Variants in DNER observed in about 807,000 individuals in gnomAD.
DNER encodes the protein delta and Notch-like epidermal growth factor-related receptor.
A neutral mutation model predicts 78.2 loss-of-function variants in DNER; 33 were observed. The ratio of observed to expected loss-of-function variants is 0.42; its 90% CI spans 0.32 to 0.56. The LOEUF (loss-of-function observed/expected upper bound fraction) is 0.56, where lower values mean the gene tolerates loss of function less well. Ranked by LOEUF, DNER falls within the 20% of genes least tolerant of loss-of-function variation. DNER has a pLI of 0.11. For synonymous variants in DNER, 417 were observed against 384.8 expected (o/e 1.08, Z -0.98); for missense variants, 918 against 975.3 (o/e 0.94, Z 0.78).
In DNER at chr2:229,367,462, G is replaced by A. The variant is rs188245415; in HGVS notation, c.1856-343C>T. ...CTAAAAATACAAACATTAGCTGGGC[G>A]TGGTGGTGGATGTCTGTAATCCCAG... On this transcript the variant is annotated intron_variant, in intron 11 of 12. Coordinates refer to ENST00000341772, the MANE Select transcript of DNER (RefSeq NM_139072.4). 1.7e-4 allele frequency among the ~76,000 whole-genome samples: 26 copies of A among 152,094 alleles called. 1 individual carries two copies. The highest frequency in any genetic ancestry group is 2.6e-4 in the African/African-American group (11 of 41,518).
chr2:229,419,635 T>C (rs1693723536), intron 8 of DNER, among the ~76,000 whole-genome samples: 1 of 152,156 alleles, frequency 6.6e-6, no homozygotes, highest in African/African-American at 2.4e-5. Context: ...CAGTTGTTTT[T>C]GAACAGCTTT....
chr2:229,372,800 CAGAG>C (rs1692515493), intron 11 of DNER, among the ~76,000 whole-genome samples: 1 of 151,842 alleles, frequency 6.6e-6, no homozygotes, highest in Admixed American at 6.6e-5. Flanking sequence ...GGCATGGAGA[CAGAG>C]AGAGGGGAAT....
intron 4 of DNER, among the ~76,000 whole-genome samples, chr2:229,550,458 G>A (rs1286583463): frequency 6.6e-6 from 1 of 152,046 alleles, no homozygotes. Context: ...TTCTCTAGAC[G>A]TTTCCTCACA....
At chr2:229,383,821 A>G (rs1396206532) in intron 11 of DNER, among the ~76,000 whole-genome samples, 1 of 152,210 alleles carries the variant, frequency 6.6e-6, no homozygotes. Flanking sequence ...GGAGACTTTA[A>G]CACCCTACTG....
At chr2:229,455,594 C>G (rs1280918210) in intron 7 of DNER, among the ~76,000 whole-genome samples, 3 of 152,050 alleles carry the variant, frequency 2.0e-5, no homozygotes, top group Non-Finnish European at 2.9e-5. Context: ...ATACTGCTCT[C>G]TAAACACACG....
chr2:229,520,100 C>G (rs1358037805), intron 5 of DNER, among the ~76,000 whole-genome samples: 1 of 152,198 alleles, frequency 6.6e-6, no homozygotes, highest in African/African-American at 2.4e-5. Context: ...GTCTGAGACT[C>G]TAGTTACTCA....
intron 8 of DNER, among the ~76,000 whole-genome samples, chr2:229,421,424 GT>G (rs892166387): frequency 7.3e-5 from 11 of 150,436 alleles, no homozygotes; most frequent in African/African-American, 2.4e-4. Context: ...TTAATGCTGT[GT>G]TTTTTTACCA....
At chr2:229,470,488 C>CA (rs926665273) in intron 7 of DNER, among the ~76,000 whole-genome samples, 2 of 145,224 alleles carry the variant, frequency 1.4e-5, no homozygotes, top group African/African-American at 2.5e-5. Flanking sequence ...AACTGCTATG[C>CA]AAAAAATAAT....
chr2:229,584,996 TA>T (rs928045094), intron 4 of DNER, among the ~76,000 whole-genome samples: 2 of 146,664 alleles, frequency 1.4e-5, no homozygotes, highest in Admixed American at 1.3e-4. Flanking sequence ...CAAGAGAGAG[TA>T]AAAAGTTAGA....
intron 5 of DNER, among the ~76,000 whole-genome samples, chr2:229,543,881 C>A (rs1001605340): frequency 3.3e-5 from 5 of 152,180 alleles, no homozygotes; most frequent in African/African-American, 9.7e-5. Flanking sequence ...CGTTACCTAA[C>A]TATGCATCTT....
At chr2:229,393,224 T>C (rs1235537865) in intron 10 of DNER, among the ~76,000 whole-genome samples, 3 of 151,976 alleles carry the variant, frequency 2.0e-5, no homozygotes, top group African/African-American at 7.3e-5. Context: ...GGTCAGGAGT[T>C]CGAGACTAGC....
intron 7 of DNER, among the ~76,000 whole-genome samples, chr2:229,469,698 T>A (rs1399916150): frequency 6.6e-6 from 1 of 152,162 alleles, no homozygotes; most frequent in Non-Finnish European, 1.5e-5. Context: ...ATCCCAACAC[T>A]TTGGCAGGCC....
chr2:229,538,059 C>T (rs1410850648), intron 5 of DNER, among the ~76,000 whole-genome samples: 1 of 152,034 alleles, frequency 6.6e-6, no homozygotes, highest in East Asian at 1.9e-4. Flanking sequence ...ATTCTTTACT[C>T]GTTAAAAAAA....
At chr2:229,641,069 T>G (rs1185521749) in intron 1 of DNER, among the ~76,000 whole-genome samples, 2 of 152,162 alleles carry the variant, frequency 1.3e-5, no homozygotes, top group African/African-American at 4.8e-5. Flanking sequence ...GAGGTCTTGT[T>G]GAAGTTGAAG....
intron 8 of DNER, among the ~76,000 whole-genome samples, chr2:229,420,287 A>G (rs1024139333): frequency 5.9e-5 from 9 of 152,286 alleles, no homozygotes; most frequent in Admixed American, 3.9e-4. Flanking sequence ...TTTAGATTCA[A>G]TGAAAGATCT....
intron 8 of DNER, among the ~76,000 whole-genome samples, chr2:229,420,609 A>G (rs1693744300): frequency 6.6e-6 from 1 of 152,208 alleles, no homozygotes; most frequent in Non-Finnish European, 1.5e-5. Flanking sequence ...TAAGGTACAA[A>G]ATAATACAAA....
At chr2:229,640,922 G>A (rs948863423) in intron 1 of DNER, among the ~76,000 whole-genome samples, 1 of 152,184 alleles carries the variant, frequency 6.6e-6, no homozygotes, top group Non-Finnish European at 1.5e-5. Flanking sequence ...AAGGGGTGAG[G>A]GAGCTGAGAG....
In DNER at chr2:229,424,446, C is replaced by G. The variant is rs1241994971; in HGVS notation, c.1487-6216G>C. Among the ~76,000 whole-genome samples the G allele has an allele frequency of 3.5e-4, 53 of 152,164 alleles. 2 individuals carry two copies. Among genetic ancestry groups the G allele is most frequent in the Admixed American group, 3.5e-3 (53 of 15,280 alleles). On this transcript the variant is annotated intron_variant, in intron 8 of 12. Coordinates refer to ENST00000341772, the MANE Select transcript of DNER (RefSeq NM_139072.4). ...TAGGGCTCCCATGAAAATACTATAG[C>G]ACTGGTTGAATTAAACAAAAACTTA...
intron 6 of DNER, among the ~76,000 whole-genome samples, chr2:229,488,114 C>T (rs7609541): frequency 0.13 from 19,049 of 152,190 alleles, 1,333 homozygotes; most frequent in South Asian, 0.21. Flanking sequence ...CTGGTCTGGA[C>T]GAAATGAGAG....
Sources: allele counts gnomAD v4.1 joint callset (sites outside exome capture counted in the v4.1 genomes callset), GRCh38; gene constraint gnomAD v4.1.1; transcripts MANE v1.5; gene names NCBI Gene and HGNC (gene_info 2026-07-23, HGNC 2026-07-21).